The following ROR1 variants were observed in gnomAD, a reference collection of about 807,000 sequenced individuals.
ROR1 encodes inactive tyrosine-protein kinase transmembrane receptor ROR1.
Under a neutral mutation model 78.8 loss-of-function variants are expected in ROR1, and 19 were observed. That is an observed-to-expected ratio of 0.24 (90% CI 0.17 to 0.35). The LOEUF is 0.35. Among genes scored for constraint, ROR1 ranks in the 10% least tolerant of loss-of-function variants. The pLI is 1.00. For synonymous variants in ROR1, 386 were observed against 433.6 expected (o/e 0.89, Z 1.36); for missense variants, 917 against 1,177.8 (o/e 0.78, Z 3.24).
chr1:63,774,638 C>T lies in ROR1; in HGVS notation c.91+130C>T, dbSNP rs1180061448. 6.5e-5 allele frequency: 22 copies of T among 336,086 alleles called. No individual in the cohort carries two copies. Among genetic ancestry groups the T allele is most frequent in the Non-Finnish European group, 8.1e-5 (19 of 233,834 alleles). 20.8% of individuals were successfully genotyped at this position (336,086 alleles called of 1,614,324 possible). ...CCGGGGCGCGTCCGGCCACCCGCCA[C>T]GGGGCTCGCCGGCGCCGCCAGGCCA... On this transcript the variant is annotated intron_variant, in intron 1 of 8. Transcript: ENST00000371079. The surrounding 1 kb of genome is among the most constrained non-coding windows in gnomAD (Gnocchi z 5.7).
At chr1:63,909,705 C>CT (rs947121116) in intron 1 of ROR1, among the ~76,000 whole-genome samples, 127 of 151,532 alleles carry the variant, frequency 8.4e-4, no homozygotes, top group African/African-American at 2.3e-3. Context: ...TTCCAGTTTT[C>CT]TTTTTTTTTA....
At chr1:63,841,595 A>G (rs995968432) in intron 1 of ROR1, among the ~76,000 whole-genome samples, 2 of 152,214 alleles carry the variant, frequency 1.3e-5, no homozygotes, top group Non-Finnish European at 2.9e-5. Flanking sequence ...AAACAAAAGT[A>G]CATACCCTGT....
chr1:64,093,742 G>T (rs1037531755), intron 4 of ROR1, among the ~76,000 whole-genome samples: 1 of 152,102 alleles, frequency 6.6e-6, no homozygotes, highest in Non-Finnish European at 1.5e-5. Flanking sequence ...CACAGCTAGA[G>T]ATCTCAGTGC....
chr1:64,008,841 G>T (rs577629948), intron 1 of ROR1, among the ~76,000 whole-genome samples: 2 of 151,942 alleles, frequency 1.3e-5, no homozygotes, highest in Admixed American at 1.3e-4. Context: ...CATCATGTTG[G>T]TCAGGCTGGT....
chr1:64,081,049 C>G (rs1012358870), intron 4 of ROR1, among the ~76,000 whole-genome samples: 2 of 152,140 alleles, frequency 1.3e-5, no homozygotes, highest in African/African-American at 4.8e-5. Flanking sequence ...ATAAATTAGG[C>G]CTTTGTAGCT....
intron 1 of ROR1, among the ~76,000 whole-genome samples, chr1:63,903,708 A>G (rs1297494973): frequency 6.6e-6 from 1 of 151,890 alleles, no homozygotes; most frequent in African/African-American, 2.4e-5. Context: ...ATATAGCTAT[A>G]TAAGCATATA....
At chr1:63,968,015 G>A (rs976186017) in intron 1 of ROR1, among the ~76,000 whole-genome samples, 5 of 152,072 alleles carry the variant, frequency 3.3e-5, no homozygotes, top group Non-Finnish European at 5.9e-5. Flanking sequence ...TTCCTTTAAG[G>A]CCTATGGAAA....
chr1:63,781,600 T>C (rs1644651834), intron 1 of ROR1, among the ~76,000 whole-genome samples: 1 of 152,140 alleles, frequency 6.6e-6, no homozygotes, highest in South Asian at 2.1e-4. Context: ...TGGGGAAGAA[T>C]ACATTAATTC....
At chr1:63,816,957 C>T (rs768164117) in intron 1 of ROR1, among the ~76,000 whole-genome samples, 1 of 152,202 alleles carries the variant, frequency 6.6e-6, no homozygotes, top group African/African-American at 2.4e-5. Context: ...GTGCTGGGCA[C>T]TGGACTACAA....
At chr1:64,006,015 G>A (rs1349390211) in intron 1 of ROR1, among the ~76,000 whole-genome samples, 1 of 152,140 alleles carries the variant, frequency 6.6e-6, no homozygotes, top group Admixed American at 6.5e-5. Flanking sequence ...CCAGGGACAC[G>A]TGGGGAACAA....
chr1:63,866,445 T>A (rs1216385319), intron 1 of ROR1, among the ~76,000 whole-genome samples: 1 of 152,200 alleles, frequency 6.6e-6, no homozygotes, highest in Non-Finnish European at 1.5e-5. Flanking sequence ...TGACTTGGAA[T>A]GTTACATCCA....
intron 6 of ROR1, among the ~76,000 whole-genome samples, chr1:64,142,118 C>G (rs1649334754): frequency 6.6e-6 from 1 of 152,218 alleles, no homozygotes; most frequent in Non-Finnish European, 1.5e-5. Context: ...CCAGGTCCCA[C>G]CCCAGTTCCG....
chr1:63,910,302 A>T (rs544950527), intron 1 of ROR1, among the ~76,000 whole-genome samples: 1 of 152,286 alleles, frequency 6.6e-6, no homozygotes, highest in South Asian at 2.1e-4. Flanking sequence ...TATATGGACA[A>T]ATTACTGACC....
chr1:64,163,394 G>T (rs1325987674), intron 8 of ROR1, among the ~76,000 whole-genome samples: 2 of 151,932 alleles, frequency 1.3e-5, no homozygotes, highest in East Asian at 3.9e-4. Context: ...CTCCAGCCTA[G>T]GCAACAGAGT....
chr1:64,167,650 AG>A (rs1241022710), intron 8 of ROR1, among the ~76,000 whole-genome samples: 4 of 152,224 alleles, frequency 2.6e-5, no homozygotes, highest in Admixed American at 1.3e-4. Context: ...AAAGGAAAAT[AG>A]GTTTTGGAGT....
At chr1:64,145,825 A>T (rs1649458023) in intron 7 of ROR1, among the ~76,000 whole-genome samples, 1 of 152,292 alleles carries the variant, frequency 6.6e-6, no homozygotes, top group African/African-American at 2.4e-5. Context: ...GGGTTTTCAC[A>T]TGCTTTCTTT....
chr1:64,058,282 G>A (rs1362539282), intron 4 of ROR1, among the ~76,000 whole-genome samples: 3 of 151,856 alleles, frequency 2.0e-5, no homozygotes, highest in African/African-American at 4.8e-5. Context: ...AAAAGAGATT[G>A]TTTTACTTTT....
chr1:63,837,565 ATTGT>A (rs1417795547), intron 1 of ROR1, among the ~76,000 whole-genome samples: 2 of 152,200 alleles, frequency 1.3e-5, no homozygotes, highest in East Asian at 3.9e-4. Flanking sequence ...TTGATAATTA[ATTGT>A]TTGTGGCTGT....
intron 1 of ROR1, among the ~76,000 whole-genome samples, chr1:63,863,485 G>C (rs528288679): frequency 1.3e-5 from 2 of 152,152 alleles, no homozygotes; most frequent in Non-Finnish European, 2.9e-5. Flanking sequence ...TCCTGGACTA[G>C]ATGTACAGAA....
Sources: gnomAD v4.1 joint callset for allele counts (sites outside exome capture counted in the v4.1 genomes callset) on GRCh38, gnomAD v4.1.1 for gene constraint, Gnocchi (gnomAD v3.1) non-coding constraint, MANE v1.5 for transcripts, NCBI Gene and HGNC (gene_info 2026-07-23, HGNC 2026-07-21) for gene names.